The following CASS4 variants were observed in gnomAD, a reference collection of about 807,000 sequenced individuals.
CASS4 encodes the protein cas scaffolding protein family member 4.
CASS4 carries 22 observed loss-of-function variants against 54.2 expected under a neutral mutation model. The ratio of observed to expected loss-of-function variants is 0.41; its 90% CI spans 0.29 to 0.58. CASS4 has a LOEUF of 0.58. Among genes scored for constraint, CASS4 ranks in the 20% least tolerant of loss-of-function variants. The pLI, the probability that CASS4 is intolerant of heterozygous loss-of-function variation, is 0.36. For synonymous variants in CASS4, 409 were observed against 391.5 expected (o/e 1.04, Z -0.53); for missense variants, 854 against 986.7 (o/e 0.87, Z 1.80).
chr20:56,438,395 C>T (rs919323990), intron 2 of CASS4, among the ~76,000 whole-genome samples: 1 of 151,702 alleles, frequency 6.6e-6, no homozygotes, highest in African/African-American at 2.4e-5. Context: ...AGGCTGTAGC[C>T]ATTATGGCAT....
rs558313544 is a variant in CASS4, at chr20:56,452,417, C to G, written c.1241C>G (p.Ser414Cys). ...DSRASIVSSC[S>C]TTSTDDSSSS... ...AGAGCTAGCATCGTTTCCTCGTGCT[C>G]CACCACATCCACCGACGACTCCTCC... Residue 414 changes from serine (S) to cysteine (C), a missense_variant, in exon 5 of 6, where the codon TCC (serine) becomes TGC (cysteine). Coordinates refer to ENST00000679887, the MANE Select transcript of CASS4 (RefSeq NM_020356.4). 6.2e-7 allele frequency: 1 copy of G among 1,613,924 alleles called. No individual in the cohort carries two copies. The highest frequency in any genetic ancestry group is 8.5e-7 in the Non-Finnish European group (1 of 1,179,984).
chr20:56,448,364 G>A (rs1425130456), intron 3 of CASS4, among the ~76,000 whole-genome samples: 1 of 152,002 alleles, frequency 6.6e-6, no homozygotes, highest in Admixed American at 6.6e-5. Flanking sequence ...TGTGCCCAAG[G>A]CAACTGCTTT....
intron 1 of CASS4, among the ~76,000 whole-genome samples, chr20:56,436,001 C>T (rs930484776): frequency 1.3e-5 from 2 of 152,112 alleles, no homozygotes; most frequent in African/African-American, 4.8e-5. Flanking sequence ...ATCTGCCCTC[C>T]TCGGCCCCCC....
rs1981026865 is a variant in CASS4, at chr20:56,451,998, T to C, written c.822T>C (p.Ser274=). ...AEESRPHALP[S]SSSTFYNPPS... ...AATCAAGGCCCCACGCTCTCCCCAG[T>C]TCCAGCTCCACTTTCTACAATCCTC... Residue 274 remains serine (S), a synonymous_variant, in exon 5 of 6, where the codon AGT becomes AGC. Transcript: ENST00000679887. 1 of 1,614,060 alleles carries C rather than the reference T, an allele frequency of 6.2e-7. No homozygotes were observed. Among genetic ancestry groups the C allele is most frequent in the South Asian group, 1.1e-5 (1 of 91,086 alleles).
intron 1 of CASS4, among the ~76,000 whole-genome samples, chr20:56,427,823 C>T (rs1979715667): frequency 6.6e-6 from 1 of 152,154 alleles, no homozygotes; most frequent in Admixed American, 6.5e-5. Flanking sequence ...CATCACCTCG[C>T]CTGAATAGTA....
intron 2 of CASS4, among the ~76,000 whole-genome samples, chr20:56,444,630 C>T (rs1409823629): frequency 1.3e-5 from 2 of 152,166 alleles, no homozygotes; most frequent in African/African-American, 4.8e-5. Flanking sequence ...CCAGGGGACT[C>T]GGATCCCTGG....
Position 56,429,897 on chromosome 20 carries a change from A to G in CASS4, c.37-7267A>G, listed in dbSNP as rs117301565. On this transcript the variant is annotated intron_variant, in intron 1 of 5. Coordinates refer to ENST00000679887, the MANE Select transcript of CASS4 (RefSeq NM_020356.4). ...TATTTTTTATAACTTCCTGTATTTT[A>G]TTTCTCATAACTTCTTGTATTTTCT... Among the ~76,000 whole-genome samples the G allele has an allele frequency of 6.7e-3, 1,026 of 152,016 alleles. 4 individuals carry two copies. Among genetic ancestry groups the G allele is most frequent in the Non-Finnish European group, 0.012 (783 of 67,972 alleles).
chr20:56,412,507 G>C lies in CASS4; in HGVS notation c.36+13G>C, dbSNP rs1371040888. On this transcript the variant is annotated intron_variant, in intron 1 of 5. Coordinates refer to ENST00000679887, the MANE Select transcript of CASS4 (RefSeq NM_020356.4). This position sits in a 1 kb window ranked among gnomAD's most constrained non-coding sequence, Gnocchi z 4.2. ...CTGTGCGCCCAAGGTGAGTGATGTG[G>C]GGCTGTTTGAATGGGCTCTGGCGGG... The C allele has an allele frequency of 6.2e-7, 1 of 1,611,214 alleles. No individual in the cohort carries two copies. Among genetic ancestry groups the C allele is most frequent in the South Asian group, 1.1e-5 (1 of 90,358 alleles).
chr20:56,451,671 G>A, intron 4 of CASS4, 148 bp from the exon 5 acceptor site: 1 of 641,326 alleles, frequency 1.6e-6, no homozygotes, highest in Non-Finnish European at 2.7e-6. Flanking sequence ...AAAGAAATGA[G>A]GCTCAAAAGA....
chr20:56,427,261 A>C (rs1456593997), intron 1 of CASS4, among the ~76,000 whole-genome samples: 1 of 151,798 alleles, frequency 6.6e-6, no homozygotes, highest in Non-Finnish European at 1.5e-5. Flanking sequence ...TCCCAGAAGA[A>C]GTGTCTGTAG....
At chr20:56,424,634 G>A (rs1001259115) in intron 1 of CASS4, among the ~76,000 whole-genome samples, 2 of 151,154 alleles carry the variant, frequency 1.3e-5, no homozygotes, top group Non-Finnish European at 2.9e-5. Context: ...CCAGCTACTC[G>A]GGAAGCTGAG....
chr20:56,449,970 T>C (rs1980914190), intron 3 of CASS4, among the ~76,000 whole-genome samples: 1 of 151,924 alleles, frequency 6.6e-6, no homozygotes, highest in Non-Finnish European at 1.5e-5. Context: ...ATTACCATTT[T>C]TAATTTAGGC....
intron 2 of CASS4, among the ~76,000 whole-genome samples, chr20:56,438,623 C>T (rs1380281014): frequency 1.3e-5 from 2 of 152,098 alleles, no homozygotes; most frequent in African/African-American, 2.4e-5. Context: ...CTTTGGGAGG[C>T]GGAGGCGGGC....
rs1370033922 is a variant in CASS4, at chr20:56,430,680, T to C, written c.37-6484T>C. Among the ~76,000 whole-genome samples the C allele has an allele frequency of 6.6e-6, 1 of 152,162 alleles. No individual in the cohort carries two copies. The highest frequency in any genetic ancestry group is 1.9e-4 in the East Asian group (1 of 5,188). On this transcript the variant is annotated intron_variant, in intron 1 of 5. Transcript: ENST00000679887. This position sits in a 1 kb window ranked among gnomAD's most constrained non-coding sequence, Gnocchi z 4.2. ...TGCTATTGCAATGTCCAGTGCTCCC[T>C]GCACGCCCAGCCTGACCATAACAGC... is the stretch of plus-strand genomic sequence containing the variant.
intron 2 of CASS4, among the ~76,000 whole-genome samples, chr20:56,445,179 A>G (rs1473610017): frequency 6.6e-6 from 1 of 151,778 alleles, no homozygotes; most frequent in East Asian, 1.9e-4. Flanking sequence ...ACAAAATTCA[A>G]ACTCCTTCAC....
intron 1 of CASS4, among the ~76,000 whole-genome samples, chr20:56,418,906 T>C (rs1226141724): frequency 6.6e-6 from 1 of 152,140 alleles, no homozygotes; most frequent in East Asian, 1.9e-4. Context: ...TAAATAATTA[T>C]TATGACTAAT....
At chr20:56,415,309 A>G (rs543881999) in intron 1 of CASS4, among the ~76,000 whole-genome samples, 21 of 152,178 alleles carry the variant, frequency 1.4e-4, no homozygotes, top group African/African-American at 5.1e-4. Context: ...GTAGCAGCCT[A>G]TGTCATCTCA....
Position 56,451,020 on chromosome 20 carries a change from T to TAAA in CASS4, c.642+354_642+356dup, listed in dbSNP as rs113539482. Among the ~76,000 whole-genome samples, 13 of 140,490 alleles carry TAAA rather than the reference T, an allele frequency of 9.3e-5. 1 individual carries two copies. Among genetic ancestry groups the TAAA allele is most frequent in the Non-Finnish European group, 2.1e-4 (13 of 63,110 alleles). 92.2% of individuals were successfully genotyped at this position (140,490 alleles called of 152,430 possible). A position where few individuals can be genotyped will look rare whatever the true frequency, so the allele number is the denominator to read the frequency against. ...CCTGTCTCTAATAAAATACAAAAAT[T>TAAA]AAAAAAAAAAAAAAAGAAAGAAAGA... is the stretch of plus-strand genomic sequence containing the variant. On this transcript the variant is annotated intron_variant, in intron 4 of 5. Transcript: ENST00000679887.
At chr20:56,428,488 C>T (rs1056039952) in intron 1 of CASS4, among the ~76,000 whole-genome samples, 3 of 152,196 alleles carry the variant, frequency 2.0e-5, no homozygotes, top group African/African-American at 2.4e-5. Flanking sequence ...ACCTCAGCTG[C>T]GGGCTGGACT....
Sources: gnomAD v4.1 joint callset for allele counts (sites outside exome capture counted in the v4.1 genomes callset) on GRCh38, gnomAD v4.1.1 for gene constraint, Gnocchi (gnomAD v3.1) non-coding constraint, MANE v1.5 for transcripts, NCBI Gene and HGNC (gene_info 2026-07-23, HGNC 2026-07-21) for gene names.